Variants in TAFA1 observed in about 807,000 individuals in gnomAD.
The protein encoded by TAFA1 is chemokine-like protein TAFA-1.
TAFA1 carries 4 observed loss-of-function variants against 18.5 expected under a neutral mutation model. That is an observed-to-expected ratio of 0.22 (90% CI 0.11 to 0.49). The LOEUF is 0.49. Ranked by LOEUF, TAFA1 falls within the 20% of genes least tolerant of loss-of-function variation. The pLI, the probability that TAFA1 is intolerant of heterozygous loss-of-function variation, is 0.98. For missense variants in TAFA1, 147 were observed against 169.0 expected (o/e 0.87, Z 0.72); for synonymous variants, 56 against 55.2 (o/e 1.01, Z -0.06).
chr3:68,100,197 T>TA (rs1451187220), intron 2 of TAFA1, among the ~76,000 whole-genome samples: 1 of 152,002 alleles, frequency 6.6e-6, no homozygotes, highest in African/African-American at 2.4e-5. Flanking sequence ...TATAAACATG[T>TA]AGAAAGGTCA....
At chr3:68,194,364 G>T (rs184270126) in intron 2 of TAFA1, among the ~76,000 whole-genome samples, 1 of 151,760 alleles carries the variant, frequency 6.6e-6, no homozygotes, top group Admixed American at 6.6e-5. Flanking sequence ...TTTTCCCCAC[G>T]TAGATTTTTC....
At chr3:68,125,206 C>A (rs1269945753) in intron 2 of TAFA1, among the ~76,000 whole-genome samples, 1 of 152,180 alleles carries the variant, frequency 6.6e-6, no homozygotes, top group Admixed American at 6.5e-5. Context: ...CAGCACAGCA[C>A]TTCTCTGTGC....
intron 2 of TAFA1, among the ~76,000 whole-genome samples, chr3:68,386,754 G>A (rs932836636): frequency 1.3e-5 from 2 of 152,160 alleles, no homozygotes; most frequent in Non-Finnish European, 2.9e-5. Flanking sequence ...GCTAGTAGGT[G>A]TGAAGCTTAT....
chr3:68,272,076 G>C (rs564668843), intron 2 of TAFA1, among the ~76,000 whole-genome samples: 4 of 152,286 alleles, frequency 2.6e-5, no homozygotes, highest in African/African-American at 9.6e-5. Flanking sequence ...TGAGCAGAGT[G>C]AAATATGCCT....
intron 2 of TAFA1, among the ~76,000 whole-genome samples, chr3:68,260,003 C>A (rs2067381835): frequency 6.6e-6 from 1 of 152,090 alleles, no homozygotes; most frequent in Non-Finnish European, 1.5e-5. Flanking sequence ...AGAGGGCATC[C>A]CTGTCTTGTG....
intron 2 of TAFA1, among the ~76,000 whole-genome samples, chr3:68,176,063 C>T (rs1473258441): frequency 1.3e-5 from 2 of 152,208 alleles, no homozygotes; most frequent in African/African-American, 4.8e-5. Context: ...TCCTCTTTCC[C>T]TTCTGCCATG....
At chr3:68,031,100 A>T (rs1704926003) in intron 2 of TAFA1, among the ~76,000 whole-genome samples, 1 of 152,178 alleles carries the variant, frequency 6.6e-6, no homozygotes, top group African/African-American at 2.4e-5. Context: ...TTCCTATGTT[A>T]ACTTAGCAGT....
chr3:68,325,635 A>T (rs2068764273), intron 2 of TAFA1, among the ~76,000 whole-genome samples: 1 of 152,178 alleles, frequency 6.6e-6, no homozygotes, highest in Non-Finnish European at 1.5e-5. Flanking sequence ...TTTTCTATAA[A>T]ATCAAGAGTA....
In TAFA1 at chr3:68,033,778, AG is replaced by A. The variant is rs1704988085; in HGVS notation, c.118+27036del. 3.9e-5 allele frequency among the ~76,000 whole-genome samples: 6 copies of A among 152,368 alleles called. No homozygotes were observed. The Middle Eastern group carries it at 0.01, about 259-fold the overall frequency. ...TTCCCCATCAAAAAATCCTTATTAGAGGACATCATTATCTGCTTATAAATGC... is the reference window on the plus strand; with the variant it reads ...TTCCCCATCAAAAAATCCTTATTAGAGACATCATTATCTGCTTATAAATGC... On this transcript the variant is annotated intron_variant, in intron 2 of 4. Coordinates refer to ENST00000478136, the MANE Select transcript of TAFA1 (RefSeq NM_213609.4).
At chr3:68,224,266 G>T (rs2066769254) in intron 2 of TAFA1, among the ~76,000 whole-genome samples, 1 of 152,046 alleles carries the variant, frequency 6.6e-6, no homozygotes, top group Non-Finnish European at 1.5e-5. Context: ...CCCTTCAAGT[G>T]GGTGTCTTCC....
intron 2 of TAFA1, among the ~76,000 whole-genome samples, chr3:68,371,214 T>C (rs2106818008): frequency 6.6e-6 from 1 of 152,308 alleles, no homozygotes; most frequent in South Asian, 2.1e-4. Context: ...ATTTCTTTTT[T>C]TCATTTTTAT....
rs192345814 is a variant in TAFA1, at chr3:68,374,731, C to T, written c.119-42549C>T. Among the ~76,000 whole-genome samples, 17 of 152,278 alleles carry T rather than the reference C, an allele frequency of 1.1e-4. No homozygotes were observed. The East Asian group carries it at 1.9e-3, about 17-fold the overall frequency. On this transcript the variant is annotated intron_variant, in intron 2 of 4. Transcript: ENST00000478136. ...CTTATGATTTGGTATTGATGAAAGTCGGTTACTTCCAGGTCTCCCTGCTGT... is the reference window on the plus strand; with the variant it reads ...CTTATGATTTGGTATTGATGAAAGTTGGTTACTTCCAGGTCTCCCTGCTGT...
intron 2 of TAFA1, among the ~76,000 whole-genome samples, chr3:68,213,517 C>T (rs568464163): frequency 6.6e-6 from 1 of 152,154 alleles, no homozygotes; most frequent in South Asian, 2.1e-4. Context: ...TGATACCTTC[C>T]CTTTACTTTC....
At chr3:68,514,633 C>A (rs1202904090) in intron 3 of TAFA1, among the ~76,000 whole-genome samples, 1 of 151,580 alleles carries the variant, frequency 6.6e-6, no homozygotes, top group Admixed American at 6.6e-5. Flanking sequence ...CATTGGGTTC[C>A]ATCTCAAACA....
At chr3:68,523,764 G>C (rs1378618386) in intron 3 of TAFA1, among the ~76,000 whole-genome samples, 1 of 151,944 alleles carries the variant, frequency 6.6e-6, no homozygotes, top group East Asian at 1.9e-4. Flanking sequence ...GGTTTTCTTT[G>C]CATGTACTCT....
chr3:68,278,533 G>T (rs73836839), intron 2 of TAFA1, among the ~76,000 whole-genome samples: 2,518 of 152,160 alleles, frequency 0.017, 37 homozygotes, highest in African/African-American at 0.042. Flanking sequence ...TAAGTCCTAT[G>T]TATTTGTCTT....
intron 3 of TAFA1, among the ~76,000 whole-genome samples, chr3:68,490,896 G>A: frequency 6.6e-6 from 1 of 151,258 alleles, no homozygotes; most frequent in East Asian, 1.9e-4. Context: ...CTGGAGTGCA[G>A]TAATGCAATT....
chr3:68,193,780 A>G (rs1187391326), intron 2 of TAFA1, among the ~76,000 whole-genome samples: 1 of 151,660 alleles, frequency 6.6e-6, no homozygotes, highest in Non-Finnish European at 1.5e-5. Flanking sequence ...TTCTGTATCT[A>G]TCATATATGG....
At chr3:68,313,020 G>A (rs933160511) in intron 2 of TAFA1, among the ~76,000 whole-genome samples, 6 of 152,094 alleles carry the variant, frequency 3.9e-5, no homozygotes, top group Admixed American at 1.3e-4. Context: ...GGGAGACTCC[G>A]ATTTTTAAAG....
Sources: allele counts gnomAD v4.1 joint callset (sites outside exome capture counted in the v4.1 genomes callset), GRCh38; gene constraint gnomAD v4.1.1; transcripts MANE v1.5; gene names NCBI Gene and HGNC (gene_info 2026-07-23, HGNC 2026-07-21).